The following L2HGDH variants were observed in gnomAD, a reference collection of about 807,000 sequenced individuals.
L2HGDH encodes the protein L-2-hydroxyglutarate dehydrogenase.
L2HGDH carries 34 observed loss-of-function variants against 51.5 expected under a neutral mutation model. The ratio of observed to expected loss-of-function variants is 0.66; its 90% confidence interval spans 0.50 to 0.88. The LOEUF (loss-of-function observed/expected upper bound fraction) is 0.88. L2HGDH is among the 40% of genes least tolerant of loss of function. L2HGDH has a pLI of 0.00. For synonymous variants in L2HGDH, 198 were observed against 197.9 expected (o/e 1.00, Z -0.01); for missense variants, 558 against 571.9 (o/e 0.98, Z 0.25).
At chr14:50,293,579 G>A (rs970214635) in intron 4 of L2HGDH, among the ~76,000 whole-genome samples, 3 of 152,002 alleles carry the variant, frequency 2.0e-5, no homozygotes, top group African/African-American at 7.3e-5. Flanking sequence ...CTGTTAATCT[G>A]AAGACAATAT....
In L2HGDH at chr14:50,271,900, G is replaced by A. The variant is rs148458248; in HGVS notation, c.739-2570C>T. Among the ~76,000 whole-genome samples the A allele has an allele frequency of 3.4e-3, 521 of 152,254 alleles. 1 individual carries two copies. Among genetic ancestry groups the A allele is most frequent in the Non-Finnish European group, 5.9e-3 (403 of 68,018 alleles). On this transcript the variant is annotated intron_variant, in intron 6 of 9. Coordinates refer to ENST00000267436, the MANE Select transcript of L2HGDH (RefSeq NM_024884.3). ...TCACACCTGTAATCCCAGCACTCTGGGAGGCTGAAGTGGGTGAATCACTTG... is the reference window on the plus strand; with the variant it reads ...TCACACCTGTAATCCCAGCACTCTGAGAGGCTGAAGTGGGTGAATCACTTG...
At chr14:50,266,778 T>TAAATCTAGTGATTTAAACAGGA (rs1889359465) in intron 8 of L2HGDH, among the ~76,000 whole-genome samples, 1 of 152,066 alleles carries the variant, frequency 6.6e-6, no homozygotes, top group Admixed American at 6.6e-5. Flanking sequence ...AGTATAGCTT[T>TAAATCTAGTGATTTAAACAGGA]AAATCTAGTG....
intron 1 of L2HGDH, among the ~76,000 whole-genome samples, chr14:50,310,670 C>T (rs2031061626): frequency 6.6e-6 from 1 of 152,144 alleles, no homozygotes; most frequent in African/African-American, 2.4e-5. Flanking sequence ...TGCCACTGCA[C>T]TCCAGCCTTG....
Position 50,302,015 on chromosome 14 carries a change from A to G in L2HGDH, c.408+2T>C. The G allele has an allele frequency of 1.2e-6, 2 of 1,614,076 alleles. No homozygotes were observed. The highest frequency in any genetic ancestry group is 8.5e-7 in the Non-Finnish European group (1 of 1,179,978). On this transcript the variant is annotated splice_donor_variant, in intron 3 of 9. Transcript: ENST00000267436. LOFTEE classifies it high-confidence loss of function. ...AGTCAAGGCTCTAATAAAATGCCAT[A>G]CCTTGCCACACTGCTTGTAGGAAAT...
intron 9 of L2HGDH, among the ~76,000 whole-genome samples, chr14:50,259,064 A>G (rs1888843056): frequency 6.8e-6 from 1 of 147,150 alleles, no homozygotes; most frequent in Non-Finnish European, 1.5e-5. Flanking sequence ...CATATTGCCC[A>G]GAATGGTCTT....
At chr14:50,302,306 T>C in intron 2 of L2HGDH, 138 bp from the exon 3 acceptor site, 2 of 813,912 alleles carry the variant, frequency 2.5e-6, no homozygotes, top group South Asian at 2.8e-5. Context: ...AGATCACTGG[T>C]AACTTCTTCT....
At chr14:50,283,717 T>C (rs574648251) in intron 5 of L2HGDH, 154 bp downstream of exon 5, 1 of 624,414 alleles carries the variant, frequency 1.6e-6, no homozygotes, top group African/African-American at 1.8e-5. Flanking sequence ...TGTTATACTA[T>C]CTTTTTTATT....
intron 9 of L2HGDH, among the ~76,000 whole-genome samples, chr14:50,259,303 T>C (rs921518589): frequency 1.3e-5 from 2 of 151,504 alleles, no homozygotes; most frequent in African/African-American, 4.8e-5. Context: ...AAATCCCAGA[T>C]GGCATACCAC....
chr14:50,309,569 A>AC (rs1264810662), intron 1 of L2HGDH, among the ~76,000 whole-genome samples: 1 of 151,946 alleles, frequency 6.6e-6, no homozygotes, highest in African/African-American at 2.4e-5. Context: ...GTTAAAAAAA[A>AC]AAAAAAATTT....
At position 50,244,258 on chromosome 14, in the gene L2HGDH, A is replaced by G. The variant is rs1245246616; in HGVS notation, c.*2800T>C. ...TTCCAGATCCCTGAGGAATCGCCAC[A>G]CTGACTTCCACAATGGTTGAACTAG... On this transcript the variant is annotated 3_prime_UTR_variant, in exon 10 of 10. Transcript: ENST00000267436. 1.4e-5 allele frequency: 5 copies of G among 361,336 alleles called. No individual in the cohort carries two copies. The highest frequency in any genetic ancestry group is 4.4e-5 in the African/African-American group (2 of 45,164). 22.4% of individuals were successfully genotyped at this position (361,336 alleles called of 1,614,324 possible). A position where few individuals can be genotyped will look rare whatever the true frequency, so the allele number is the denominator to read the frequency against.
chr14:50,297,336 T>C (rs1420963003), intron 3 of L2HGDH, among the ~76,000 whole-genome samples: 4 of 151,872 alleles, frequency 2.6e-5, no homozygotes, highest in Admixed American at 1.3e-4. Flanking sequence ...GCAGATGACA[T>C]GATCCTGCAT....
At chr14:50,257,591 G>A (rs1888745830) in intron 9 of L2HGDH, among the ~76,000 whole-genome samples, 1 of 151,878 alleles carries the variant, frequency 6.6e-6, no homozygotes, top group Admixed American at 6.6e-5. Context: ...GGCTGGTCTT[G>A]AACTCCTGGA....
intron 5 of L2HGDH, among the ~76,000 whole-genome samples, chr14:50,280,993 T>C (rs1487873781): frequency 8.0e-6 from 1 of 125,738 alleles, no homozygotes; most frequent in African/African-American, 3.1e-5. Flanking sequence ...GTTTAAAAAT[T>C]TTTTGTAGAG....
At chr14:50,254,296 T>C (rs561318607) in intron 9 of L2HGDH, among the ~76,000 whole-genome samples, 83 of 152,122 alleles carry the variant, frequency 5.5e-4, no homozygotes, top group Non-Finnish European at 9.1e-4. Flanking sequence ...AAATATCTTA[T>C]GTACCCCAAA....
intron 1 of L2HGDH, among the ~76,000 whole-genome samples, chr14:50,308,853 A>T (rs908923785): frequency 2.0e-5 from 3 of 152,246 alleles, no homozygotes; most frequent in African/African-American, 7.2e-5. Context: ...AACTGGAAGC[A>T]GCTTGGATGT....
intron 4 of L2HGDH, among the ~76,000 whole-genome samples, chr14:50,284,388 G>C (rs1394323608): frequency 1.3e-5 from 2 of 152,164 alleles, no homozygotes; most frequent in Non-Finnish European, 2.9e-5. Flanking sequence ...TTGCTGCCCA[G>C]ACCCTATCTT....
chr14:50,243,655 AGG>A lies in L2HGDH; in HGVS notation c.*3401_*3402del, dbSNP rs957235006. On this transcript the variant is annotated 3_prime_UTR_variant, in exon 10 of 10. Transcript: ENST00000267436. ...AACAAATTTTTCATTTTTATTTTTC[AGG>A]GTATTTTATATATATATATATATAT... 4.2e-5 allele frequency: 13 copies of A among 309,704 alleles called. No homozygotes were observed. Among genetic ancestry groups the A allele is most frequent in the African/African-American group, 4.1e-4 (12 of 29,410 alleles). 19.2% of individuals were successfully genotyped at this position (309,704 alleles called of 1,614,324 possible).
chr14:50,248,652 T>A (rs926345088), intron 9 of L2HGDH, among the ~76,000 whole-genome samples: 3 of 152,222 alleles, frequency 2.0e-5, no homozygotes, highest in Non-Finnish European at 4.4e-5. Flanking sequence ...TAAGTGATCT[T>A]CCCTATAGAA....
chr14:50,246,871 C>G lies in L2HGDH; in HGVS notation c.*187G>C, dbSNP rs1490977355. ...CTGAGTAGCTGAGATTACAGGCATG[C>G]GCCACCATGCCTGGCTAATTTTTGT... On this transcript the variant is annotated 3_prime_UTR_variant, in exon 10 of 10. Transcript: ENST00000267436. The G allele has an allele frequency of 1.0e-6, 1 of 1,003,204 alleles. No homozygotes were observed. Among genetic ancestry groups the G allele is most frequent in the East Asian group, 2.9e-5 (1 of 34,752 alleles). The allele number at this position is 1,003,204 out of a possible 1,614,324, so 62.1% of individuals were successfully genotyped here.
Sources: gnomAD v4.1 joint callset for allele counts (sites outside exome capture counted in the v4.1 genomes callset) on GRCh38, gnomAD v4.1.1 for gene constraint, MANE v1.5 for transcripts, NCBI Gene and HGNC (gene_info 2026-07-23, HGNC 2026-07-21) for gene names.